GADL1: variants seen among roughly 807,000 people sequenced by gnomAD.
GADL1 encodes acidic amino acid decarboxylase GADL1.
A neutral mutation model predicts 69.5 loss-of-function variants in GADL1; 71 were observed. That is an observed-to-expected ratio of 1.02 (90% confidence interval 0.84 to 1.25). The LOEUF is 1.25. Among genes scored for constraint, GADL1 ranks in the 50% most tolerant of loss-of-function variants. The probability of loss-of-function intolerance (pLI) is 0.00; values close to 1 mark genes in which losing one functional copy is unlikely to be tolerated. For synonymous variants in GADL1, 254 were observed against 214.4 expected (o/e 1.18, Z -1.62); for missense variants, 737 against 631.8 (o/e 1.17, Z -1.79).
chr3:30,864,625 A>G (rs1471242445), intron 1 of GADL1, among the ~76,000 whole-genome samples: 1 of 152,006 alleles, frequency 6.6e-6, no homozygotes, highest in Non-Finnish European at 1.5e-5. Context: ...TTTCTCCCCC[A>G]GCATTTGTCC....
intron 14 of GADL1, among the ~76,000 whole-genome samples, chr3:30,759,604 T>A (rs1219471422): frequency 6.6e-6 from 1 of 150,606 alleles, no homozygotes; most frequent in Non-Finnish European, 1.5e-5. Context: ...CTAGGTTTTA[T>A]TCCACATTTT....
chr3:30,731,530 G>A (rs1355386661), intron 14 of GADL1, among the ~76,000 whole-genome samples: 1 of 152,172 alleles, frequency 6.6e-6, no homozygotes, highest in Non-Finnish European at 1.5e-5. Flanking sequence ...GAAAGGTAAA[G>A]GAAGAGGGCA....
At chr3:30,751,812 T>C (rs1476859636) in intron 14 of GADL1, among the ~76,000 whole-genome samples, 5 of 152,124 alleles carry the variant, frequency 3.3e-5, no homozygotes, top group Admixed American at 3.3e-4. Context: ...GGAAAGTCCC[T>C]TGGAAAGCTT....
chr3:30,870,780 T>C (rs147905345), intron 1 of GADL1, among the ~76,000 whole-genome samples: 1 of 151,238 alleles, frequency 6.6e-6, no homozygotes, highest in East Asian at 2.0e-4. Context: ...TGCGGATAGA[T>C]TGGATGTAGG....
At chr3:30,760,516 C>G (rs1432800156) in intron 14 of GADL1, among the ~76,000 whole-genome samples, 3 of 152,108 alleles carry the variant, frequency 2.0e-5, no homozygotes, top group Non-Finnish European at 4.4e-5. Context: ...CTCTCCAAAC[C>G]ACATCCAGCA....
chr3:30,888,413 C>T (rs758838893), intron 1 of GADL1, among the ~76,000 whole-genome samples: 1 of 152,080 alleles, frequency 6.6e-6, no homozygotes, highest in African/African-American at 2.4e-5. Context: ...GAATCACCAT[C>T]GTGGAGTTGC....
At chr3:30,807,154 A>G (rs1467314867) in intron 11 of GADL1, among the ~76,000 whole-genome samples, 1 of 152,186 alleles carries the variant, frequency 6.6e-6, no homozygotes, top group Non-Finnish European at 1.5e-5. Context: ...GTCTTAAGCC[A>G]AAAATCTTAC....
At position 30,833,925 on chromosome 3, in the gene GADL1, A is replaced by C. The variant is rs1575226367; in HGVS notation, c.978T>G (p.Ser326=). The change falls in exon 11 of 15, where the codon TCT becomes TCG. Residue 326 remains serine (S), a synonymous_variant. Coordinates refer to ENST00000282538, the MANE Select transcript of GADL1 (RefSeq NM_207359.3). Reference sequence around the variant, plus strand: ...GCATCTTGTGTGGGTTCCAGGCCACAGAGTCAGCCCTATTGTTTAAACAAA... The same window carrying C: ...GCATCTTGTGTGGGTTCCAGGCCACCGAGTCAGCCCTATTGTTTAAACAAA... ...KLLHGIHRAD[S]VAWNPHKMLM... 1 of 1,612,172 alleles carries C rather than the reference A, an allele frequency of 6.2e-7. No individual in the cohort carries two copies.
intron 11 of GADL1, among the ~76,000 whole-genome samples, chr3:30,801,837 T>C (rs911340514): frequency 5.3e-5 from 8 of 152,124 alleles, no homozygotes; most frequent in Non-Finnish European, 8.8e-5. Context: ...AGCCAAGATT[T>C]CCTAATCAAT....
At chr3:30,761,863 A>T (rs771778095) in intron 14 of GADL1, among the ~76,000 whole-genome samples, 4 of 152,164 alleles carry the variant, frequency 2.6e-5, no homozygotes, top group Non-Finnish European at 5.9e-5. Flanking sequence ...TTGAAACAGC[A>T]CAACACAAAT....
chr3:30,859,724 C>T (rs1698290027), intron 2 of GADL1, among the ~76,000 whole-genome samples: 1 of 151,930 alleles, frequency 6.6e-6, no homozygotes, highest in South Asian at 2.1e-4. Context: ...GCAGTGATCA[C>T]TGCACCAAGC....
chr3:30,839,397 G>A (rs939036277), intron 8 of GADL1, among the ~76,000 whole-genome samples: 2 of 151,498 alleles, frequency 1.3e-5, no homozygotes, highest in Non-Finnish European at 2.9e-5. Context: ...TCTATCAATT[G>A]TCCAGATAGA....
intron 13 of GADL1, among the ~76,000 whole-genome samples, chr3:30,783,287 G>A (rs1696709501): frequency 6.6e-6 from 1 of 152,144 alleles, no homozygotes; most frequent in Non-Finnish European, 1.5e-5. Context: ...GTGTAAGAAT[G>A]AATATACCTC....
At chr3:30,876,232 C>G (rs1009908449) in intron 1 of GADL1, among the ~76,000 whole-genome samples, 7 of 151,966 alleles carry the variant, frequency 4.6e-5, no homozygotes, top group African/African-American at 1.7e-4. Context: ...GTAACTTGCC[C>G]AAGGCTACAC....
At chr3:30,833,287 A>G (rs1383452969) in intron 11 of GADL1, among the ~76,000 whole-genome samples, 1 of 152,074 alleles carries the variant, frequency 6.6e-6, no homozygotes, top group Admixed American at 6.6e-5. Context: ...CACTTGCCTC[A>G]CAGTGATCCA....
At chr3:30,800,634 G>C (rs754352388) in intron 12 of GADL1, 1 of 490,734 alleles carries the variant, frequency 2.0e-6, no homozygotes, top group Non-Finnish European at 3.7e-6. Context: ...GTGCATCTCA[G>C]TAGGCTAGGA....
chr3:30,778,772 C>T (rs1575200856), intron 13 of GADL1: 1 of 149,372 alleles, frequency 6.7e-6, no homozygotes, highest in Non-Finnish European at 1.5e-5. Context: ...CTACTATGAC[C>T]CTAGCCAATA....
intron 12 of GADL1, chr3:30,798,527 A>G (rs1357470955): frequency 6.6e-6 from 1 of 152,148 alleles, no homozygotes; most frequent in Non-Finnish European, 1.5e-5. Flanking sequence ...TCCCGCCCAC[A>G]ACATCTGGGA....
intron 14 of GADL1, among the ~76,000 whole-genome samples, chr3:30,762,983 T>A (rs1402538026): frequency 2.0e-5 from 3 of 152,182 alleles, no homozygotes; most frequent in African/African-American, 7.2e-5. Flanking sequence ...AGATGGACAC[T>A]TAGGTTGCTC....
Sources: allele counts gnomAD v4.1 joint callset (sites outside exome capture counted in the v4.1 genomes callset), GRCh38; gene constraint gnomAD v4.1.1; transcripts MANE v1.5; gene names NCBI Gene and HGNC (gene_info 2026-07-23, HGNC 2026-07-21).